The following FKBP15 variants were observed in gnomAD, a reference collection of about 807,000 sequenced individuals.
FKBP15 encodes the protein FK506-binding protein 15.
In FKBP15, 106 loss-of-function variants were observed where a neutral mutation model predicts 158.1. The observed-to-expected ratio is 0.67, with a 90% CI of 0.57 to 0.79. FKBP15 has a LOEUF of 0.79. FKBP15 is among the 30% of genes least tolerant of loss of function. FKBP15 has a pLI of 0.00. For missense variants in FKBP15, 1,287 were observed against 1,479.1 expected (o/e 0.87, Z 2.13); for synonymous variants, 547 against 548.6 (o/e 1.00, Z 0.04).
intron 2 of FKBP15, among the ~76,000 whole-genome samples, chr9:113,208,065 T>C (rs573141392): frequency 1.3e-5 from 2 of 152,268 alleles, no homozygotes; most frequent in South Asian, 2.1e-4. Flanking sequence ...CAGAGTAGGC[T>C]GGGCGCAGTG....
intron 11 of FKBP15, among the ~76,000 whole-genome samples, chr9:113,192,006 T>C (rs1202627706): frequency 6.6e-6 from 1 of 150,668 alleles, no homozygotes; most frequent in Non-Finnish European, 1.5e-5. Context: ...AACGTGAATT[T>C]TGCCTCCATT....
chr9:113,205,638 CCAT>C (rs2118935786), intron 4 of FKBP15, among the ~76,000 whole-genome samples: 1 of 152,202 alleles, frequency 6.6e-6, no homozygotes, highest in African/African-American at 2.4e-5. Flanking sequence ...CATAAAATTA[CCAT>C]ACGAGTCAGC....
At position 113,187,950 on chromosome 9, in the gene FKBP15, T is replaced by TG. The variant is rs766144335; in HGVS notation, c.1277-52dup. The TG allele has an allele frequency of 4.8e-5, 67 of 1,382,448 alleles. No individual in the cohort carries two copies. The African/African-American group carries it at 8.8e-4, about 18-fold the overall frequency. The allele number at this position is 1,382,448 out of a possible 1,614,324, so 85.6% of individuals were successfully genotyped here. A position where few individuals can be genotyped will look rare whatever the true frequency, so the allele number is the denominator to read the frequency against. Reference sequence around the variant, plus strand: ...TGTTATCCACCCTTGCTTCTTGGTGTGAGTCTAGACTAGCACCTTACATAC... The same window carrying TG: ...TGTTATCCACCCTTGCTTCTTGGTGTGGAGTCTAGACTAGCACCTTACATAC... On this transcript the variant is annotated intron_variant, in intron 13 of 27. Coordinates refer to ENST00000238256, the MANE Select transcript of FKBP15 (RefSeq NM_015258.2).
At position 113,186,332 on chromosome 9, in the gene FKBP15, G is replaced by T; in HGVS notation, c.1415C>A (p.Pro472His). The T allele has an allele frequency of 1.3e-6, 2 of 1,567,834 alleles. No homozygotes were observed. Among genetic ancestry groups the T allele is most frequent in the East Asian group, 2.4e-5 (1 of 42,392 alleles). Residue 472 changes from proline (P) to histidine (H), a missense_variant, in exon 15 of 28, where the codon CCC becomes CAC. Transcript: ENST00000238256. ...CTGGGAGGTGACGGCAGATGCCTGG[G>T]GATAAGCGTAGGCTTGCATACCTGC... is the stretch of plus-strand genomic sequence containing the variant. ...PYAGMQAYAY[P>H]QASAVTSQLQ...
At chr9:113,187,250 A>G (rs1830500900) in intron 14 of FKBP15, 1 of 155,588 alleles carries the variant, frequency 6.4e-6, no homozygotes, top group Admixed American at 6.3e-5. Context: ...GTTCCCAGTG[A>G]CAGTATGCCT....
At chr9:113,169,104 TAATG>T (rs1004643834) in intron 26 of FKBP15, 116 bp downstream of exon 26, 4 of 1,334,342 alleles carry the variant, frequency 3.0e-6, no homozygotes, top group Non-Finnish European at 4.0e-6. Flanking sequence ...ATACATCAAC[TAATG>T]AATGAAGACA....
At chr9:113,176,453 A>ATACAAATACAAATTT in intron 21 of FKBP15, 84 bp downstream of exon 21, 1 of 1,373,512 alleles carries the variant, frequency 7.3e-7, no homozygotes, top group South Asian at 1.5e-5. Context: ...TGTTACAATA[A>ATACAAATACAAATTT]GCACATACTA....
intron 25 of FKBP15, 64 bp downstream of exon 25, chr9:113,170,458 T>G (rs1830185775): frequency 2.7e-6 from 3 of 1,131,928 alleles, no homozygotes. Context: ...CATGATCCCT[T>G]AGAAGGTACT....
intron 8 of FKBP15, 52 bp from the exon 9 acceptor site, chr9:113,197,130 CAAAGT>C: frequency 1.3e-6 from 2 of 1,594,604 alleles, no homozygotes; most frequent in Non-Finnish European, 1.7e-6. Flanking sequence ...CCTCAGAAGA[CAAAGT>C]GAAGTACAGG....
intron 19 of FKBP15, 113 bp downstream of exon 19, chr9:113,182,653 T>A: frequency 2.6e-6 from 2 of 757,200 alleles, no homozygotes; most frequent in Non-Finnish European, 4.6e-6. Context: ...TCTAGTTCTT[T>A]TTGCAGTGAC....
chr9:113,193,769 T>G lies in FKBP15; in HGVS notation c.1008-220A>C, dbSNP rs187747581. Among the ~76,000 whole-genome samples the G allele has an allele frequency of 9.8e-5, 15 of 152,336 alleles. No individual in the cohort carries two copies. In the East Asian group the frequency reaches 2.1e-3, roughly 22 times the overall value. The stretch of plus-strand genomic sequence containing the variant: ...TATTTACATTTTTTCCATGAGTATA[T>G]AATTTTGTATTTATGCCCTTGGCTT... On this transcript the variant is annotated intron_variant, in intron 10 of 27. Transcript: ENST00000238256.
intron 1 of FKBP15, among the ~76,000 whole-genome samples, chr9:113,215,062 T>G (rs994097434): frequency 1.3e-5 from 2 of 152,260 alleles, no homozygotes; most frequent in Non-Finnish European, 2.9e-5. Context: ...CCCTTAAACT[T>G]TCTCCATGTC....
At position 113,169,344 on chromosome 9, in the gene FKBP15, T is replaced by G. The variant is rs747372702; in HGVS notation, c.3365A>C (p.Gln1122Pro). 67 of 1,613,958 alleles carry G rather than the reference T, an allele frequency of 4.2e-5. No individual in the cohort carries two copies. The highest frequency in any genetic ancestry group is 7.6e-6 in the Non-Finnish European group (9 of 1,179,910). Residue 1122 changes from glutamine to proline, a missense_variant, in exon 26 of 28, where the codon CAG becomes CCG. Transcript: ENST00000238256. The part of the protein sequence containing the change: ...PESPGEPQPP[Q>P]LKKDDVTSST... ...GCTAGTGACATCATCTTTCTTGAGC[T>G]GTGGAGGCTGAGGCTCTCCTGGGCT... is the stretch of plus-strand genomic sequence containing the variant.
At chr9:113,209,100 G>A (rs144004785) in intron 2 of FKBP15, among the ~76,000 whole-genome samples, 7 of 151,682 alleles carry the variant, frequency 4.6e-5, no homozygotes, top group Admixed American at 2.0e-4. Flanking sequence ...AAACTGTATA[G>A]GCAATCTTGC....
rs1385271609 is a variant in FKBP15, at chr9:113,165,455, T to TA, written c.*622dup. ...CCCAGATCTGTAAGACTCCTACCCT[T>TA]AGATTCCCAAAAGAGCACAGACAGC... On this transcript the variant is annotated 3_prime_UTR_variant, in exon 28 of 28. Coordinates refer to ENST00000238256, the MANE Select transcript of FKBP15 (RefSeq NM_015258.2). 7.3e-6 allele frequency: 1 copy of TA among 137,152 alleles called. No individual in the cohort carries two copies. Among genetic ancestry groups the TA allele is most frequent in the Non-Finnish European group, 1.6e-5 (1 of 60,962 alleles). The allele number at this position is 137,152 out of a possible 1,614,324, so 8.5% of individuals were successfully genotyped here. A position where few individuals can be genotyped will look rare whatever the true frequency, so the allele number is the denominator to read the frequency against.
chr9:113,168,353 G>A, intron 27 of FKBP15, 107 bp downstream of exon 27: 1 of 939,310 alleles, frequency 1.1e-6, no homozygotes, highest in Non-Finnish European at 1.7e-6. Flanking sequence ...TGCACACAGA[G>A]TCCAGGGAGT....
chr9:113,171,784 C>A, intron 23 of FKBP15, 78 bp from the exon 24 acceptor site: 3 of 1,210,256 alleles, frequency 2.5e-6, no homozygotes, highest in East Asian at 3.0e-5. Flanking sequence ...GAGAACCACC[C>A]AAACATCAAG....
Position 113,163,054 on chromosome 9 carries a change from C to A in FKBP15, c.*3024G>T. On this transcript the variant is annotated 3_prime_UTR_variant, in exon 28 of 28. Coordinates refer to ENST00000238256, the MANE Select transcript of FKBP15 (RefSeq NM_015258.2). ...AGCCCCTGGAAACTTTGAGCTGAAG[C>A]CAGCACTTGCTCCCTGGAGTTCGGA... is the stretch of plus-strand genomic sequence containing the variant. 2.5e-6 allele frequency: 2 copies of A among 802,038 alleles called. No individual in the cohort carries two copies. Among genetic ancestry groups the A allele is most frequent in the Non-Finnish European group, 3.7e-6 (2 of 541,838 alleles). The allele number at this position is 802,038 out of a possible 1,614,324, so 49.7% of individuals were successfully genotyped here. A position where few individuals can be genotyped will look rare whatever the true frequency, so the allele number is the denominator to read the frequency against.
intron 27 of FKBP15, 97 bp from the exon 28 acceptor site, chr9:113,166,252 C>T: frequency 1.7e-6 from 2 of 1,151,238 alleles, no homozygotes; most frequent in Non-Finnish European, 2.5e-6. Context: ...GTTCCCAGCT[C>T]TGGGTCAGAA....
Sources: allele counts gnomAD v4.1 joint callset (sites outside exome capture counted in the v4.1 genomes callset), GRCh38; gene constraint gnomAD v4.1.1; transcripts MANE v1.5; gene names NCBI Gene and HGNC (gene_info 2026-07-23, HGNC 2026-07-21).